Variants in FAM178B observed in about 807,000 individuals in gnomAD.
The protein encoded by FAM178B is protein FAM178B.
A neutral mutation model predicts 91.7 loss-of-function variants in FAM178B; 82 were observed. The ratio of observed to expected loss-of-function variants is 0.89; its 90% CI spans 0.75 to 1.07. The LOEUF (loss-of-function observed/expected upper bound fraction) is 1.07, where lower values mean the gene tolerates loss of function less well. Ranked by LOEUF, FAM178B falls within the 50% of genes least tolerant of loss-of-function variation. The pLI, the probability that FAM178B is intolerant of heterozygous loss-of-function variation, is 0.00. For missense variants in FAM178B, 769 were observed against 846.7 expected, an observed-to-expected ratio of 0.91 and a Z score of 1.14; for synonymous variants, 368 against 359.4, an observed-to-expected ratio of 1.02 and a Z score of -0.27.
chr2:96,927,597 A>G (rs2081464458), intron 9 of FAM178B, among the ~76,000 whole-genome samples: 1 of 152,174 alleles, frequency 6.6e-6, no homozygotes, highest in Non-Finnish European at 1.5e-5. Context: ...TTTGTGTCCC[A>G]AAGTACTTGA....
intron 9 of FAM178B, 32 bp downstream of exon 9, chr2:96,929,174 G>T: frequency 7.0e-7 from 1 of 1,422,336 alleles, no homozygotes; most frequent in Non-Finnish European, 9.7e-7. Context: ...AAATATGAAA[G>T]AAAAAGGCAG....
intron 7 of FAM178B, among the ~76,000 whole-genome samples, chr2:96,948,722 G>A (rs141005324): frequency 5.4e-4 from 83 of 152,312 alleles, no homozygotes; most frequent in Non-Finnish European, 3.1e-4. Context: ...GGGCAGTGTC[G>A]CTGCCAGGGC....
intron 7 of FAM178B, among the ~76,000 whole-genome samples, chr2:96,948,874 C>A (rs1051434781): frequency 6.6e-6 from 1 of 152,148 alleles, no homozygotes; most frequent in Admixed American, 6.5e-5. Flanking sequence ...AAGGGGTCAC[C>A]GGGCTCCAGA....
intron 3 of FAM178B, among the ~76,000 whole-genome samples, chr2:96,971,521 A>G (rs1372013549): frequency 6.6e-5 from 10 of 152,122 alleles, no homozygotes; most frequent in African/African-American, 2.4e-4. Context: ...GATCCACTGG[A>G]CCAGAGTCAG....
At chr2:96,887,561 C>T (rs533020862) in intron 14 of FAM178B, among the ~76,000 whole-genome samples, 33 of 152,304 alleles carry the variant, frequency 2.2e-4, no homozygotes, top group African/African-American at 6.7e-4. Flanking sequence ...GGAGCAAAGA[C>T]GCGGCGTTGA....
At chr2:96,959,927 C>T (rs946564356) in intron 6 of FAM178B, among the ~76,000 whole-genome samples, 1 of 152,200 alleles carries the variant, frequency 6.6e-6, no homozygotes. Context: ...GGGCCCATCA[C>T]GTGCCCTCGA....
intron 12 of FAM178B, among the ~76,000 whole-genome samples, chr2:96,907,900 G>A (rs1419460848): frequency 6.6e-6 from 1 of 152,216 alleles, no homozygotes; most frequent in Non-Finnish European, 1.5e-5. Context: ...CTGGCCAAAG[G>A]CATGAGCTGC....
intron 14 of FAM178B, among the ~76,000 whole-genome samples, chr2:96,883,633 C>A (rs2080445001): frequency 6.6e-6 from 1 of 152,148 alleles, no homozygotes; most frequent in Admixed American, 6.5e-5. Flanking sequence ...GGGGGAGAAC[C>A]AAGGCTGACC....
chr2:96,886,190 C>A (rs2080515884), intron 14 of FAM178B, among the ~76,000 whole-genome samples: 2 of 152,144 alleles, frequency 1.3e-5, no homozygotes, highest in Admixed American at 6.5e-5. Flanking sequence ...AGTGTCCCAG[C>A]CTCCTGTCCC....
In FAM178B at chr2:96,898,137, C is replaced by T. The variant is rs1315012388; in HGVS notation, c.1651-4086G>A. On this transcript the variant is annotated intron_variant, in intron 13 of 16. Coordinates refer to ENST00000490605, the MANE Select transcript of FAM178B (RefSeq NM_001122646.3). ...CAGTCAATTCTAAACCCCTGTGCCC[C>T]CTTTTACAGTGAATCGATTGATAGG... 3 of 984,842 alleles carry T rather than the reference C, an allele frequency of 3.0e-6. No individual in the cohort carries two copies. The African/African-American group carries it at 5.2e-5, about 17-fold the overall frequency. The allele number at this position is 984,842 out of a possible 1,614,324, so 61.0% of individuals were successfully genotyped here.
At chr2:96,959,199 G>GGAAAAAAAAAAAA (rs1273953141) in intron 6 of FAM178B, among the ~76,000 whole-genome samples, 79 of 82,128 alleles carry the variant, frequency 9.6e-4, no homozygotes, top group African/African-American at 2.6e-3. Flanking sequence ...ACTCAGTTTT[G>GGAAAAAAAAAAAA]AAAAAAAAAA....
intron 13 of FAM178B, chr2:96,897,884 G>C (rs537462859): frequency 2.3e-6 from 2 of 883,360 alleles, no homozygotes; most frequent in South Asian, 1.0e-4. Flanking sequence ...CCGTAGCCTT[G>C]AGGCTCTGGC....
chr2:96,933,877 G>A (rs763591808), intron 8 of FAM178B, among the ~76,000 whole-genome samples: 4 of 152,202 alleles, frequency 2.6e-5, no homozygotes, highest in Admixed American at 1.3e-4. Flanking sequence ...CACTGAGTCC[G>A]ATCTTAACTG....
Position 96,921,252 on chromosome 2 carries a change from A to T in FAM178B, c.1475T>A (p.Leu492Gln). The T allele has an allele frequency of 6.4e-7, 1 of 1,551,604 alleles. No homozygotes were observed. ...AGACACCCAGCTCAGGGTGCAGCAC[A>T]GTTCCTGGAGCTGCAGGAGAACGGC... Reference protein sequence around the residue: ...IREWPGKLQELCCTLSWVSDH... With the variant: ...IREWPGKLQEQCCTLSWVSDH... The change falls in exon 12 of 17, where the codon CTG (leucine) becomes CAG (glutamine). Residue 492 changes from leucine (L) to glutamine (Q), a missense_variant. Leu to Gln is a moderately radical substitution (Grantham distance 113). Coordinates refer to ENST00000490605, the MANE Select transcript of FAM178B (RefSeq NM_001122646.3).
At chr2:96,915,400 G>C (rs1040750933) in intron 12 of FAM178B, among the ~76,000 whole-genome samples, 2 of 151,500 alleles carry the variant, frequency 1.3e-5, no homozygotes, top group African/African-American at 4.9e-5. Flanking sequence ...TTACAGGTGT[G>C]AGCCACCGCA....
At chr2:96,972,445 G>A in intron 2 of FAM178B, 93 bp downstream of exon 2, 1 of 1,497,110 alleles carries the variant, frequency 6.7e-7, no homozygotes, top group Non-Finnish European at 9.1e-7. Flanking sequence ...CTGTGGGAAG[G>A]ATGCAAGGGA....
chr2:96,906,661 C>T (rs922576180), intron 12 of FAM178B, among the ~76,000 whole-genome samples: 3 of 152,204 alleles, frequency 2.0e-5, no homozygotes, highest in African/African-American at 7.2e-5. Context: ...CTCTACGGCC[C>T]CTACAACAGA....
chr2:96,930,892 A>T (rs775198797), intron 8 of FAM178B, among the ~76,000 whole-genome samples: 20 of 152,160 alleles, frequency 1.3e-4, no homozygotes, highest in Admixed American at 6.5e-5. Flanking sequence ...TCTGCCACAT[A>T]AGGAATTGGC....
intron 16 of FAM178B, 197 bp downstream of exon 16, chr2:96,877,693 C>G (rs1484040294): frequency 4.0e-5 from 24 of 603,612 alleles, no homozygotes; most frequent in South Asian, 2.8e-4. Context: ...CCACGCCCAG[C>G]CTTTGGCACT....
Sources: allele counts gnomAD v4.1 joint callset (sites outside exome capture counted in the v4.1 genomes callset), GRCh38; gene constraint gnomAD v4.1.1; transcripts MANE v1.5; gene names NCBI Gene and HGNC (gene_info 2026-07-23, HGNC 2026-07-21).